ARHGEF7: variants seen among roughly 807,000 people sequenced by gnomAD.
The protein encoded by ARHGEF7 is Rho guanine nucleotide exchange factor 7.
A neutral mutation model predicts 109.8 loss-of-function variants in ARHGEF7; 33 were observed. The observed-to-expected ratio is 0.30, with a 90% CI of 0.23 to 0.40. ARHGEF7 has a LOEUF of 0.40. Ranked by LOEUF, ARHGEF7 falls within the 10% of genes least tolerant of loss-of-function variation. ARHGEF7 has a pLI of 1.00. For missense variants in ARHGEF7, 938 were observed against 1,098.5 expected, an observed-to-expected ratio of 0.85 and a Z score of 2.07; for synonymous variants, 458 against 424.6, an observed-to-expected ratio of 1.08 and a Z score of -0.97.
intron 2 of ARHGEF7, among the ~76,000 whole-genome samples, chr13:111,171,484 A>C (rs1203685009): frequency 6.6e-6 from 1 of 152,248 alleles, no homozygotes; most frequent in Non-Finnish European, 1.5e-5. Context: ...TTACACTTTA[A>C]TATCGCTCCA....
intron 2 of ARHGEF7, among the ~76,000 whole-genome samples, chr13:111,160,185 T>G (rs759454862): frequency 1.3e-5 from 2 of 152,210 alleles, no homozygotes; most frequent in Non-Finnish European, 2.9e-5. Context: ...AATTCTCAGC[T>G]CTCTATTCTG....
intron 2 of ARHGEF7, among the ~76,000 whole-genome samples, chr13:111,163,457 GC>G (rs1202120428): frequency 6.6e-6 from 1 of 152,166 alleles, no homozygotes; most frequent in Non-Finnish European, 1.5e-5. Flanking sequence ...TCAGCACTGT[GC>G]AGTAGGAATA....
At chr13:111,262,903 G>A (rs913043864) in intron 8 of ARHGEF7, among the ~76,000 whole-genome samples, 1 of 152,216 alleles carries the variant, frequency 6.6e-6, no homozygotes, top group Admixed American at 6.5e-5. Flanking sequence ...GGAGCAGCTG[G>A]CATGATGCGT....
At chr13:111,253,824 G>A (rs533856379) in intron 8 of ARHGEF7, among the ~76,000 whole-genome samples, 4 of 152,174 alleles carry the variant, frequency 2.6e-5, no homozygotes, top group Admixed American at 6.5e-5. Context: ...CTGCTTTGGC[G>A]ATGTTCAGGG....
intron 5 of ARHGEF7, among the ~76,000 whole-genome samples, chr13:111,232,264 T>G (rs557172650): frequency 4.6e-5 from 7 of 152,086 alleles, no homozygotes; most frequent in Non-Finnish European, 7.4e-5. Flanking sequence ...GAACCAGTGA[T>G]GGACGCCATA....
At chr13:111,293,249 G>T (rs934335219) in intron 19 of ARHGEF7, 57 of 985,148 alleles carry the variant, frequency 5.8e-5, no homozygotes, top group Non-Finnish European at 6.7e-5. Flanking sequence ...AGTTCCCCCG[G>T]CTCCCCACCC....
At position 111,276,185 on chromosome 13, in the gene ARHGEF7, C is replaced by G. The variant is rs72653554; in HGVS notation, c.1419+507C>G. Reference sequence around the variant, plus strand: ...GATTTTTGGGACATACCCACCCACACAGTGAAAATCGAGCAGTTTGTTTCA... The same window carrying G: ...GATTTTTGGGACATACCCACCCACAGAGTGAAAATCGAGCAGTTTGTTTCA... On this transcript the variant is annotated intron_variant, in intron 12 of 21. Transcript: ENST00000646102. Among the ~76,000 whole-genome samples, 216 of 152,342 alleles carry G rather than the reference C, an allele frequency of 1.4e-3. 1 individual carries two copies. The highest frequency in any genetic ancestry group is 5.3e-3 in the Admixed American group (81 of 15,308).
At position 111,125,832 on chromosome 13, in the gene ARHGEF7, C is replaced by A. The variant is rs114479020; in HGVS notation, c.165+10141C>A. On this transcript the variant is annotated intron_variant, in intron 1 of 21. Transcript: ENST00000646102. The stretch of plus-strand genomic sequence containing the variant: ...TAGGAATACAGATTTTCTGAAAAAG[C>A]CTTTTGCTTTCTGAACACATGCCAA... 7.7e-3 allele frequency among the ~76,000 whole-genome samples: 1,172 copies of A among 152,284 alleles called. 21 individuals carry two copies. The highest frequency in any genetic ancestry group is 0.025 in the African/African-American group (1,054 of 41,548).
chr13:111,262,667 G>A (rs999283641), intron 8 of ARHGEF7, among the ~76,000 whole-genome samples: 1 of 152,140 alleles, frequency 6.6e-6, no homozygotes, highest in African/African-American at 2.4e-5. Flanking sequence ...CATGTTACGG[G>A]GGAAACTGCT....
At chr13:111,268,349 GT>G (rs1308082690) in intron 9 of ARHGEF7, among the ~76,000 whole-genome samples, 3 of 151,838 alleles carry the variant, frequency 2.0e-5, no homozygotes, top group African/African-American at 7.3e-5. Context: ...TTATATTAAT[GT>G]TTTACAAAAA....
chr13:111,141,058 C>T (rs1434716624), intron 1 of ARHGEF7, among the ~76,000 whole-genome samples: 1 of 152,260 alleles, frequency 6.6e-6, no homozygotes, highest in East Asian at 1.9e-4. Flanking sequence ...AGTTCCTATA[C>T]ACTCCCTTCT....
At chr13:111,205,212 G>A (rs1163014476) in intron 2 of ARHGEF7, 77 bp from the exon 3 acceptor site, 10 of 1,161,760 alleles carry the variant, frequency 8.6e-6, no homozygotes, top group South Asian at 1.4e-5. Flanking sequence ...GCATCGTCGC[G>A]TTGCTGGGAG....
intron 2 of ARHGEF7, among the ~76,000 whole-genome samples, chr13:111,173,825 G>T (rs68045045): frequency 0.17 from 25,202 of 152,070 alleles, 2,349 homozygotes; most frequent in Middle Eastern, 0.22. Flanking sequence ...GGGTGTGCCC[G>T]TGAGACAGGT....
At chr13:111,277,767 T>A (rs1359546443) in intron 13 of ARHGEF7, 94 bp downstream of exon 13, 1 of 854,402 alleles carries the variant, frequency 1.2e-6, no homozygotes, top group East Asian at 2.6e-5. Context: ...TGTATCTATC[T>A]GTGTATGTGC....
intron 1 of ARHGEF7, among the ~76,000 whole-genome samples, chr13:111,143,011 G>T (rs1419914532): frequency 1.3e-5 from 2 of 152,220 alleles, no homozygotes; most frequent in Non-Finnish European, 2.9e-5. Context: ...TGACTTCACT[G>T]TGTGTGGAGC....
intron 1 of ARHGEF7, among the ~76,000 whole-genome samples, chr13:111,127,513 T>C (rs906991794): frequency 6.6e-6 from 1 of 151,642 alleles, no homozygotes; most frequent in Non-Finnish European, 1.5e-5. Flanking sequence ...AAAAATTAGC[T>C]GGATGTGCCT....
intron 2 of ARHGEF7, among the ~76,000 whole-genome samples, chr13:111,168,833 G>T (rs953253125): frequency 6.6e-6 from 1 of 152,230 alleles, no homozygotes; most frequent in Non-Finnish European, 1.5e-5. Context: ...TAGGTTCCTT[G>T]ATGACTGATC....
chr13:111,290,012 C>A lies in ARHGEF7; in HGVS notation c.2134+1569C>A, dbSNP rs983066640. On this transcript the variant is annotated intron_variant, in intron 18 of 21. Transcript: ENST00000646102. ...AAGGTGGAATAAATATGTGTATAAT[C>A]ACACAATAACGTCTAAGTACAAATT... Among the ~76,000 whole-genome samples, 7 of 152,186 alleles carry A rather than the reference C, an allele frequency of 4.6e-5. No individual in the cohort carries two copies. In the East Asian group the frequency reaches 1.3e-3, roughly 29 times the overall value.
In ARHGEF7 at chr13:111,244,269, G is replaced by A. The variant is rs752939884; in HGVS notation, c.925G>A (p.Val309Ile). 19 of 1,607,788 alleles carry A rather than the reference G, an allele frequency of 1.2e-5. No individual in the cohort carries two copies. Among genetic ancestry groups the A allele is most frequent in the East Asian group, 4.5e-5 (2 of 44,782 alleles). Residue 309 changes from valine to isoleucine, a missense_variant, in exon 8 of 22, where the codon GTA (valine) becomes ATA (isoleucine). Around this residue, in one of 4 missense-constraint regions of ARHGEF7, gnomAD observed 585 missense variants for 723.6 expected, o/e 0.81. Coordinates refer to ENST00000646102, the MANE Select transcript of ARHGEF7 (RefSeq NM_001354046.2). ...EEICSFQQML[V>I]QSLEECTKLP... The stretch of plus-strand genomic sequence containing the variant: ...AATATGTTCTTTCCAGCAAATGCTC[G>A]TACAGTCTTTAGAAGAATGCACCAA...
Sources: gnomAD v4.1 joint callset for allele counts (sites outside exome capture counted in the v4.1 genomes callset) on GRCh38, gnomAD v4.1.1 for gene constraint, gnomAD v4.1.1 regional missense constraint, MANE v1.5 for transcripts, NCBI Gene and HGNC (gene_info 2026-07-23, HGNC 2026-07-21) for gene names.